The following LDLRAD4 variants were observed in gnomAD, a reference collection of about 807,000 sequenced individuals.
LDLRAD4 encodes low density lipoprotein receptor class A domain containing 4.
A neutral mutation model predicts 17.0 loss-of-function variants in LDLRAD4; 5 were observed. The ratio of observed to expected loss-of-function variants is 0.29; its 90% confidence interval spans 0.15 to 0.62. The LOEUF (loss-of-function observed/expected upper bound fraction) is 0.62, where lower values mean the gene tolerates loss of function less well. Among genes scored for constraint, LDLRAD4 ranks in the 20% least tolerant of loss-of-function variants. LDLRAD4 has a pLI of 0.84. For synonymous variants in LDLRAD4, 168 were observed against 171.8 expected (o/e 0.98, Z 0.17); for missense variants, 340 against 424.7 (o/e 0.80, Z 1.75).
At chr18:13,252,043 G>C (rs900460688) in intron 1 of LDLRAD4, among the ~76,000 whole-genome samples, 2 of 152,200 alleles carry the variant, frequency 1.3e-5, no homozygotes, top group Non-Finnish European at 2.9e-5. Context: ...AGGGGACTTG[G>C]GTCCTCCCAG....
In LDLRAD4 at chr18:13,387,690, A is replaced by G. The variant is rs1349985595; in HGVS notation, c.-33A>G. On this transcript the variant is annotated 5_prime_UTR_variant, in exon 2 of 6. Transcript: ENST00000359446. ...GCGGCTTCCTCGACGGGACAGCGCAAGAGTTGGAGCACAGGCTTGTCCGGG... is the reference window on the plus strand; with the variant it reads ...GCGGCTTCCTCGACGGGACAGCGCAGGAGTTGGAGCACAGGCTTGTCCGGG... The G allele has an allele frequency of 1.7e-5, 27 of 1,611,748 alleles. No homozygotes were observed. The Admixed American group carries it at 3.8e-4, about 23-fold the overall frequency.
rs148269206 is a variant in LDLRAD4, at chr18:13,255,156, T to C, written c.-466-22949T>C. On this transcript the variant is annotated intron_variant, in intron 1 of 5. Coordinates refer to the LDLRAD4 transcript ENST00000399848. ...GGTTCAGCAGATACTTCCAGAGCCC[T>C]GCTGTGTGCTGGGCACAGGGGCTGC... Among the ~76,000 whole-genome samples, 1,069 of 152,260 alleles carry C rather than the reference T, an allele frequency of 7.0e-3. 12 individuals carry two copies. Among genetic ancestry groups the C allele is most frequent in the African/African-American group, 0.025 (1,021 of 41,548 alleles).
chr18:13,345,693 C>G (rs2082641963), intron 1 of LDLRAD4, among the ~76,000 whole-genome samples: 1 of 152,162 alleles, frequency 6.6e-6, no homozygotes, highest in South Asian at 2.1e-4. Flanking sequence ...TAGAATTCGG[C>G]TGTGAATCCA....
rs559932785 is a variant in LDLRAD4, at chr18:13,570,274, C to T, written c.182-50843C>T. Among the ~76,000 whole-genome samples, 15 of 152,332 alleles carry T rather than the reference C, an allele frequency of 9.8e-5. No individual in the cohort carries two copies. The South Asian group carries it at 2.3e-3, about 23-fold the overall frequency. ...GGCCTGGTCTGTGCGCAGGTCAGCCCTTCTGTGGGTAGTGGTTTTCTCAAG... is the reference window on the plus strand; with the variant it reads ...GGCCTGGTCTGTGCGCAGGTCAGCCTTTCTGTGGGTAGTGGTTTTCTCAAG... On this transcript the variant is annotated intron_variant, in intron 3 of 5. Transcript: ENST00000359446.
intron 3 of LDLRAD4, among the ~76,000 whole-genome samples, chr18:13,577,609 A>G (rs529797828): frequency 2.0e-5 from 3 of 152,248 alleles, no homozygotes; most frequent in Non-Finnish European, 4.4e-5. Flanking sequence ...GGTGATAGTG[A>G]GGGGAAACGC....
chr18:13,547,476 T>G (rs2094381608), intron 3 of LDLRAD4, among the ~76,000 whole-genome samples: 1 of 152,208 alleles, frequency 6.6e-6, no homozygotes, highest in Non-Finnish European at 1.5e-5. Context: ...TCAGGCCCAC[T>G]GGGCTCGTTC....
intron 2 of LDLRAD4, among the ~76,000 whole-genome samples, chr18:13,391,603 T>C (rs2086277623): frequency 6.6e-6 from 1 of 152,240 alleles, no homozygotes; most frequent in African/African-American, 2.4e-5. Flanking sequence ...GATAGTATTT[T>C]ATATCAAAAA....
At chr18:13,581,200 T>C (rs2094851798) in intron 3 of LDLRAD4, among the ~76,000 whole-genome samples, 1 of 152,270 alleles carries the variant, frequency 6.6e-6, no homozygotes, top group Admixed American at 6.5e-5. Context: ...CATTTTGATG[T>C]GACTGGCTCA....
chr18:13,412,623 A>G (rs2088484688), intron 2 of LDLRAD4, among the ~76,000 whole-genome samples: 2 of 152,064 alleles, frequency 1.3e-5, no homozygotes, highest in African/African-American at 4.8e-5. Context: ...ATGGGCCTCC[A>G]CTCCAGCAGG....
chr18:13,486,278 T>C (rs2093220608), intron 3 of LDLRAD4, among the ~76,000 whole-genome samples: 1 of 152,266 alleles, frequency 6.6e-6, no homozygotes, highest in South Asian at 2.1e-4. Flanking sequence ...TTTTACTACA[T>C]ATTTATTTTT....
intron 3 of LDLRAD4, among the ~76,000 whole-genome samples, chr18:13,441,200 C>T (rs532682773): frequency 8.5e-5 from 13 of 152,174 alleles, no homozygotes; most frequent in East Asian, 3.9e-4. Context: ...TGTTGGGCAG[C>T]GAACAGGGAT....
chr18:13,645,726 C>A lies in LDLRAD4; in HGVS notation c.*69C>A. ...GGAAGCGGCCGCTGGGCCCCTCCTG[C>A]GCACAGTGTTGTTCAGTTTCACATG... On this transcript the variant is annotated 3_prime_UTR_variant, in exon 6 of 6. Transcript: ENST00000359446. This position sits in a 1 kb window ranked among gnomAD's most constrained non-coding sequence, Gnocchi z 5.7. The A allele has an allele frequency of 1.6e-6, 2 of 1,263,140 alleles. No individual in the cohort carries two copies. The highest frequency in any genetic ancestry group is 2.2e-6 in the Non-Finnish European group (2 of 916,240). The allele number at this position is 1,263,140 out of a possible 1,614,324, so 78.2% of individuals were successfully genotyped here. A position where few individuals can be genotyped will look rare whatever the true frequency, so the allele number is the denominator to read the frequency against.
At chr18:13,587,065 T>G (rs2094945558) in intron 3 of LDLRAD4, among the ~76,000 whole-genome samples, 1 of 152,278 alleles carries the variant, frequency 6.6e-6, no homozygotes, top group South Asian at 2.1e-4. Context: ...TTTGGAGGTT[T>G]CCACTCTTGA....
rs559842521 is a variant in LDLRAD4, at chr18:13,431,643, A to T, written c.41-6601A>T. Among the ~76,000 whole-genome samples, 40 of 152,288 alleles carry T rather than the reference A, an allele frequency of 2.6e-4. 1 individual carries two copies. In the South Asian group the frequency reaches 8.3e-3, roughly 32 times the overall value. On this transcript the variant is annotated intron_variant, in intron 2 of 5. Transcript: ENST00000359446. ...GACCCATTAAAATCATCTTTTCAGC[A>T]CCATAATGGGAGCGACAAACCATAT...
chr18:13,436,526 C>T (rs2090668831), intron 2 of LDLRAD4, among the ~76,000 whole-genome samples: 1 of 152,206 alleles, frequency 6.6e-6, no homozygotes, highest in Non-Finnish European at 1.5e-5. Context: ...TTCCCAATCA[C>T]TGTTTTAGCA....
At chr18:13,272,869 T>G (rs1254733174) in intron 1 of LDLRAD4, among the ~76,000 whole-genome samples, 1 of 152,194 alleles carries the variant, frequency 6.6e-6, no homozygotes, top group Non-Finnish European at 1.5e-5. Flanking sequence ...AGATTCCTGG[T>G]GCTGGCCGAT....
At chr18:13,533,546 C>T (rs8087797) in intron 3 of LDLRAD4, among the ~76,000 whole-genome samples, 150,874 of 152,332 alleles carry the variant, frequency 0.99, 74,734 homozygotes, top group Middle Eastern at 1. Flanking sequence ...TTGGTTTAAA[C>T]ATGTGGATTT....
chr18:13,443,708 G>GTCT (rs1568161151), intron 3 of LDLRAD4, among the ~76,000 whole-genome samples: 1 of 146,326 alleles, frequency 6.8e-6, no homozygotes, highest in East Asian at 2.4e-4. Context: ...CGTCGTCGTC[G>GTCT]TCTCCTCCTC....
chr18:13,230,304 C>G (rs2042008603), intron 1 of LDLRAD4, among the ~76,000 whole-genome samples: 1 of 152,180 alleles, frequency 6.6e-6, no homozygotes, highest in South Asian at 2.1e-4. Context: ...TATTTCGTTA[C>G]AGCAGCACGG....
Sources: allele counts gnomAD v4.1 joint callset (sites outside exome capture counted in the v4.1 genomes callset), GRCh38; gene constraint gnomAD v4.1.1; non-coding constraint Gnocchi (gnomAD v3.1); transcripts MANE v1.5; gene names NCBI Gene and HGNC (gene_info 2026-07-23, HGNC 2026-07-21).